The following SPTLC3 variants were observed in gnomAD, a reference collection of about 807,000 sequenced individuals.
The protein encoded by SPTLC3 is serine palmitoyltransferase long chain base subunit 3.
A neutral mutation model predicts 59.3 loss-of-function variants in SPTLC3; 36 were observed. That is an observed-to-expected ratio of 0.61 (90% CI 0.47 to 0.80). SPTLC3 has a LOEUF of 0.80. Ranked by LOEUF, SPTLC3 falls within the 30% of genes least tolerant of loss-of-function variation. The probability of loss-of-function intolerance (pLI) is 0.00; values close to 1 mark genes in which losing one functional copy is unlikely to be tolerated. For synonymous variants in SPTLC3, 257 were observed against 240.8 expected, an observed-to-expected ratio of 1.07 and a Z score of -0.62; for missense variants, 625 against 685.1, an observed-to-expected ratio of 0.91 and a Z score of 0.98.
Position 13,164,911 on chromosome 20 carries a change from C to T in SPTLC3, c.*44C>T. ...ACACATAAAGACTTTGCGAGAAAGA[C>T]CTCCCTCCTTGCCTCACAAGGAATA... On this transcript the variant is annotated 3_prime_UTR_variant, in exon 12 of 12. Transcript: ENST00000399002. 4.0e-6 allele frequency: 6 copies of T among 1,499,354 alleles called. No homozygotes were observed. The highest frequency in any genetic ancestry group is 4.6e-6 in the Non-Finnish European group (5 of 1,091,360). The allele number at this position is 1,499,354 out of a possible 1,614,324, so 92.9% of individuals were successfully genotyped here. A position where few individuals can be genotyped will look rare whatever the true frequency, so the allele number is the denominator to read the frequency against.
At chr20:13,155,561 T>C (rs2038749063) in intron 10 of SPTLC3, among the ~76,000 whole-genome samples, 1 of 152,064 alleles carries the variant, frequency 6.6e-6, no homozygotes, top group South Asian at 2.1e-4. Context: ...GCGCGGTGGC[T>C]CATGCCTGTA....
chr20:13,090,783 TCTGA>T (rs1322563955), intron 4 of SPTLC3, among the ~76,000 whole-genome samples: 2 of 152,364 alleles, frequency 1.3e-5, no homozygotes, highest in East Asian at 3.9e-4. Context: ...TTTTTAGATG[TCTGA>T]CTTTTTTCAC....
intron 1 of SPTLC3, among the ~76,000 whole-genome samples, chr20:13,024,431 T>C (rs1986049023): frequency 6.6e-6 from 1 of 152,234 alleles, no homozygotes; most frequent in African/African-American, 2.4e-5. Flanking sequence ...ATATGTTTTA[T>C]GCATCTCAAA....
At chr20:13,106,631 T>C (rs1304624887) in intron 6 of SPTLC3, among the ~76,000 whole-genome samples, 1 of 152,144 alleles carries the variant, frequency 6.6e-6, no homozygotes, top group Non-Finnish European at 1.5e-5. Flanking sequence ...ATTAGGCAAC[T>C]ATTACTGGAA....
At chr20:13,129,503 T>C (rs551557809) in intron 9 of SPTLC3, among the ~76,000 whole-genome samples, 28 of 152,360 alleles carry the variant, frequency 1.8e-4, no homozygotes, top group Non-Finnish European at 2.8e-4. Flanking sequence ...GTTAACTGAA[T>C]TGTCTCAGAA....
intron 9 of SPTLC3, among the ~76,000 whole-genome samples, chr20:13,146,506 T>C (rs541351938): frequency 5.9e-5 from 9 of 152,358 alleles, no homozygotes; most frequent in African/African-American, 2.2e-4. Flanking sequence ...ATTTAATGTG[T>C]AAAATTACAT....
chr20:13,093,709 C>G lies in SPTLC3; in HGVS notation c.826+132C>G, dbSNP rs904408667. 4 of 743,886 alleles carry G rather than the reference C, an allele frequency of 5.4e-6. No homozygotes were observed. The African/African-American group carries it at 7.1e-5, about 13-fold the overall frequency. The allele number at this position is 743,886 out of a possible 1,614,324, so 46.1% of individuals were successfully genotyped here. ...TGAAACACAATTATGTTTATATTCA[C>G]TCCTGGCTTGTTAACCTCTGGTGAC... On this transcript the variant is annotated intron_variant, in intron 6 of 11. Transcript: ENST00000399002.
chr20:13,077,157 G>T (rs529285400), intron 4 of SPTLC3, among the ~76,000 whole-genome samples: 1 of 151,804 alleles, frequency 6.6e-6, no homozygotes, highest in East Asian at 1.9e-4. Flanking sequence ...AGACAATAAG[G>T]TGTCTCCCAC....
intron 1 of SPTLC3, among the ~76,000 whole-genome samples, chr20:13,016,359 T>C (rs1196221242): frequency 6.6e-6 from 1 of 152,216 alleles, no homozygotes; most frequent in Non-Finnish European, 1.5e-5. Context: ...GTAAAGCTAA[T>C]AAATCAATTG....
intron 1 of SPTLC3, among the ~76,000 whole-genome samples, chr20:13,044,015 C>T (rs577423246): frequency 3.3e-4 from 50 of 152,258 alleles, no homozygotes; most frequent in Middle Eastern, 6.8e-3. Context: ...CCTCCCTCTC[C>T]CACTTGCTGT....
intron 9 of SPTLC3, among the ~76,000 whole-genome samples, chr20:13,152,265 G>A (rs771818663): frequency 2.0e-5 from 3 of 152,176 alleles, no homozygotes; most frequent in Non-Finnish European, 2.9e-5. Context: ...ATCAATAAAT[G>A]TCAAGAGCTT....
chr20:13,157,209 A>G (rs560124589), intron 10 of SPTLC3, among the ~76,000 whole-genome samples: 12 of 151,982 alleles, frequency 7.9e-5, no homozygotes, highest in African/African-American at 2.7e-4. Context: ...AGGCTGAGGC[A>G]GATGGATCAC....
At chr20:13,033,129 G>T (rs1441297526) in intron 1 of SPTLC3, among the ~76,000 whole-genome samples, 2 of 152,102 alleles carry the variant, frequency 1.3e-5, no homozygotes, top group African/African-American at 4.8e-5. Flanking sequence ...TCCTAATACA[G>T]ACATTTCCTT....
chr20:13,113,455 G>T (rs1990356686), intron 7 of SPTLC3, among the ~76,000 whole-genome samples: 3 of 152,084 alleles, frequency 2.0e-5, no homozygotes, highest in Admixed American at 6.5e-5. Context: ...AGAGCAGTCA[G>T]CCAAATCAGA....
At chr20:13,104,567 G>A (rs760841543) in intron 6 of SPTLC3, among the ~76,000 whole-genome samples, 2 of 152,080 alleles carry the variant, frequency 1.3e-5, no homozygotes, top group Non-Finnish European at 1.5e-5. Context: ...TATCAGTAGC[G>A]TGAAAATGGA....
intron 1 of SPTLC3, among the ~76,000 whole-genome samples, chr20:13,038,008 A>G (rs977377002): frequency 6.6e-6 from 1 of 150,532 alleles, no homozygotes; most frequent in Non-Finnish European, 1.5e-5. Context: ...GCCTACCACA[A>G]TTGCAAGAAA....
intron 1 of SPTLC3, among the ~76,000 whole-genome samples, chr20:13,018,621 T>C (rs1985682263): frequency 6.6e-6 from 1 of 152,252 alleles, no homozygotes; most frequent in African/African-American, 2.4e-5. Context: ...TTTCATTGGC[T>C]TAATTAACAT....
At chr20:13,068,489 G>C (rs916941411) in intron 2 of SPTLC3, among the ~76,000 whole-genome samples, 1 of 152,136 alleles carries the variant, frequency 6.6e-6, no homozygotes, top group African/African-American at 2.4e-5. Context: ...CCTTTGGAAG[G>C]CGTTGGCTGC....
intron 11 of SPTLC3, 149 bp from the exon 12 acceptor site, chr20:13,164,605 G>C (rs1297950535): frequency 1.7e-5 from 11 of 637,726 alleles, no homozygotes; most frequent in Non-Finnish European, 3.1e-5. Context: ...ACAACCTAAT[G>C]GTACGGATCT....
Sources: allele counts gnomAD v4.1 joint callset (sites outside exome capture counted in the v4.1 genomes callset), GRCh38; gene constraint gnomAD v4.1.1; transcripts MANE v1.5; gene names NCBI Gene and HGNC (gene_info 2026-07-23, HGNC 2026-07-21).